Variants in MICU1 observed in about 807,000 individuals in gnomAD.
MICU1 encodes the protein mitochondrial calcium uptake 1, also known as calcium uptake protein 1, mitochondrial.
Under a neutral mutation model 56.8 loss-of-function variants are expected in MICU1, and 45 were observed. The ratio of observed to expected loss-of-function variants is 0.79; its 90% CI spans 0.62 to 1.02. MICU1 has a LOEUF of 1.02. Among genes scored for constraint, MICU1 ranks in the 50% least tolerant of loss-of-function variants. MICU1 has a pLI of 0.00. For missense variants in MICU1, 504 were observed against 587.1 expected (o/e 0.86, Z 1.46); for synonymous variants, 186 against 195.1 (o/e 0.95, Z 0.39).
intron 11 of MICU1, among the ~76,000 whole-genome samples, chr10:72,373,057 G>C (rs564066001): frequency 6.6e-6 from 1 of 152,116 alleles, no homozygotes; most frequent in Admixed American, 6.6e-5. Context: ...CTGTGAACCA[G>C]GTCTATAACT....
At chr10:72,525,489 T>C (rs1323297350) in intron 5 of MICU1, among the ~76,000 whole-genome samples, 1 of 152,120 alleles carries the variant, frequency 6.6e-6, no homozygotes, top group African/African-American at 2.4e-5. Flanking sequence ...AACTGAGACA[T>C]GTGAAATCAA....
At chr10:72,534,664 A>C (rs1839578704) in intron 4 of MICU1, among the ~76,000 whole-genome samples, 1 of 152,112 alleles carries the variant, frequency 6.6e-6, no homozygotes, top group Non-Finnish European at 1.5e-5. Context: ...CCCTTACCTC[A>C]CTATGCCCAC....
chr10:72,545,858 T>C (rs1839881835), intron 4 of MICU1, among the ~76,000 whole-genome samples: 1 of 152,236 alleles, frequency 6.6e-6, no homozygotes, highest in Admixed American at 6.5e-5. Flanking sequence ...TTGATTTCTT[T>C]CAGGGCCTGC....
At chr10:72,559,003 G>A (rs1394427143) in intron 3 of MICU1, among the ~76,000 whole-genome samples, 1 of 152,160 alleles carries the variant, frequency 6.6e-6, no homozygotes, top group African/African-American at 2.4e-5. Context: ...GGGTGACAGA[G>A]CAAGACTCTG....
intron 6 of MICU1, among the ~76,000 whole-genome samples, chr10:72,500,261 CATATAT>C (rs869065639): frequency 9.5e-3 from 273 of 28,716 alleles, no homozygotes; most frequent in Middle Eastern, 0.019. Context: ...TACATACATA[CATATAT>C]ATATATATAT....
intron 6 of MICU1, chr10:72,501,895 C>CT (rs1867079440): frequency 6.6e-6 from 1 of 152,160 alleles, no homozygotes; most frequent in African/African-American, 2.4e-5. Context: ...GAAGAATTAA[C>CT]TCTAATGGAA....
At chr10:72,556,331 A>C (rs529231496) in intron 3 of MICU1, among the ~76,000 whole-genome samples, 1 of 152,284 alleles carries the variant, frequency 6.6e-6, no homozygotes, top group South Asian at 2.1e-4. Context: ...CATAAATTCC[A>C]ATATTAACAT....
chr10:72,385,654 T>TGAGCAGAATTCTGACGTGCCCC (rs1303749065), intron 10 of MICU1, among the ~76,000 whole-genome samples: 13 of 152,224 alleles, frequency 8.5e-5, no homozygotes, highest in African/African-American at 3.1e-4. Context: ...GCTGGTGTGC[T>TGAGCAGAATTCTGACGTGCCCC]GAGCAGAATT....
Position 72,367,982 on chromosome 10 carries a change from G to A in MICU1, c.*213C>T, listed in dbSNP as rs1272086164. ...GCTTTACAGACTTGTTCATGTTTTT[G>A]AGAACCTATGGGGATACTCATTGGG... On this transcript the variant is annotated 3_prime_UTR_variant, in exon 12 of 12. Transcript: ENST00000361114. The A allele has an allele frequency of 4.1e-6, 2 of 490,382 alleles. No homozygotes were observed. The highest frequency in any genetic ancestry group is 3.8e-5 in the African/African-American group (2 of 52,552). The allele number at this position is 490,382 out of a possible 1,614,324, so 30.4% of individuals were successfully genotyped here.
At chr10:72,616,290 G>C (rs1234378052) in intron 1 of MICU1, among the ~76,000 whole-genome samples, 1 of 152,128 alleles carries the variant, frequency 6.6e-6, no homozygotes, top group African/African-American at 2.4e-5. Flanking sequence ...AATTAGTAGG[G>C]AACAGTTTTG....
chr10:72,605,935 A>C (rs1478557054), intron 1 of MICU1, among the ~76,000 whole-genome samples: 3 of 151,994 alleles, frequency 2.0e-5, no homozygotes, highest in Non-Finnish European at 4.4e-5. Context: ...GTTCAAGACC[A>C]GCCTGGTCAA....
chr10:72,580,194 T>C (rs181545419), intron 1 of MICU1, among the ~76,000 whole-genome samples: 111 of 152,300 alleles, frequency 7.3e-4, no homozygotes, highest in African/African-American at 2.6e-3. Flanking sequence ...TGAGGCATCA[T>C]CTTTTCTTCA....
chr10:72,411,114 A>T (rs1863796173), intron 9 of MICU1, among the ~76,000 whole-genome samples: 1 of 151,006 alleles, frequency 6.6e-6, no homozygotes, highest in African/African-American at 2.5e-5. Flanking sequence ...CTAGCCACAA[A>T]AGGACAAAAG....
Position 72,403,801 on chromosome 10 carries a change from G to C in MICU1, c.1180+4128C>G, listed in dbSNP as rs575676310. On this transcript the variant is annotated intron_variant, in intron 10 of 11. Transcript: ENST00000361114. ...CTCCCAAGTAGTTGGGACTACAGTC[G>C]CCCATCACCACACCCAGCTAATTTT... 4.0e-5 allele frequency among the ~76,000 whole-genome samples: 6 copies of C among 151,642 alleles called. No individual in the cohort carries two copies. The South Asian group carries it at 1.3e-3, about 32-fold the overall frequency.
At chr10:72,456,945 A>AGGTGTGTGTGTGTG (rs1491127980) in intron 8 of MICU1, among the ~76,000 whole-genome samples, 963 of 67,792 alleles carry the variant, frequency 0.014, 21 homozygotes, top group African/African-American at 0.061. Flanking sequence ...TATATTGCCC[A>AGGTGTGTGTGTGTG]GGTGTGTGTG....
chr10:72,508,500 T>G (rs1867334404), intron 5 of MICU1: 1 of 314,792 alleles, frequency 3.2e-6, no homozygotes, highest in Non-Finnish European at 5.8e-6. Flanking sequence ...CATTAGAAAA[T>G]AATTTCAATG....
intron 10 of MICU1, among the ~76,000 whole-genome samples, chr10:72,393,481 T>C (rs1863147436): frequency 6.6e-6 from 1 of 152,124 alleles, no homozygotes. Flanking sequence ...CTAACTCCAA[T>C]AGCTAAGGCC....
At chr10:72,370,979 A>G (rs528316766) in intron 11 of MICU1, among the ~76,000 whole-genome samples, 62 of 151,930 alleles carry the variant, frequency 4.1e-4, no homozygotes, top group Non-Finnish European at 6.5e-4. Flanking sequence ...TGCAGTGAGC[A>G]GAGATGGCGT....
At chr10:72,383,862 G>C (rs1862801948) in intron 10 of MICU1, among the ~76,000 whole-genome samples, 1 of 152,098 alleles carries the variant, frequency 6.6e-6, no homozygotes, top group Non-Finnish European at 1.5e-5. Context: ...GCTGTGGCAA[G>C]ATCATGGCTC....
Sources: allele counts gnomAD v4.1 joint callset (sites outside exome capture counted in the v4.1 genomes callset), GRCh38; gene constraint gnomAD v4.1.1; transcripts MANE v1.5; gene names NCBI Gene and HGNC (gene_info 2026-07-23, HGNC 2026-07-21).